TRPM4: variants seen among roughly 807,000 people sequenced by gnomAD.
TRPM4 encodes the protein calcium-activated non-selective cation channel 1.
TRPM4 carries 124 observed loss-of-function variants against 135.6 expected under a neutral mutation model. The ratio of observed to expected loss-of-function variants is 0.91; its 90% CI spans 0.79 to 1.06. TRPM4 has a LOEUF of 1.06. TRPM4 is among the 50% of genes least tolerant of loss of function. TRPM4 has a pLI of 0.00. For missense variants in TRPM4, 1,658 were observed against 1,671.4 expected (o/e 0.99, Z 0.14); for synonymous variants, 745 against 705.6 (o/e 1.06, Z -0.88).
chr19:49,193,416 A>C (rs529524973), intron 16 of TRPM4, among the ~76,000 whole-genome samples: 52 of 152,298 alleles, frequency 3.4e-4, no homozygotes, highest in African/African-American at 1.2e-3. Context: ...AACCCAGTGC[A>C]ATAGGGCCTA....
intron 2 of TRPM4, chr19:49,158,698 A>G (rs184922155): frequency 3.6e-4 from 65 of 180,458 alleles, no homozygotes; most frequent in African/African-American, 1.4e-3. Context: ...CAGGGTTCCA[A>G]TTTCCCCTGG....
Position 49,207,624 on chromosome 19 carries a change from G to A in TRPM4, c.3132-2585G>A, listed in dbSNP as rs564620666. Among the ~76,000 whole-genome samples, 8 of 104,478 alleles carry A rather than the reference G, an allele frequency of 7.7e-5. No homozygotes were observed. The East Asian group carries it at 2.3e-3, about 30-fold the overall frequency. 68.5% of individuals were successfully genotyped at this position (104,478 alleles called of 152,430 possible). On this transcript the variant is annotated intron_variant, in intron 20 of 24. Transcript: ENST00000252826. ...ATCATGATTGTGCCACCAACAGAGT[G>A]AAACCTTGTCTCAAAAAAAAAAAAA...
Position 49,173,505 on chromosome 19 carries a change from C to T in TRPM4, c.1150+1397C>T, listed in dbSNP as rs116567060. The stretch of plus-strand genomic sequence containing the variant: ...TCCTTCCCTACATGCTTCCAATATA[C>T]ATGAAGCACTCTGGCTAGACATGAA... On this transcript the variant is annotated intron_variant, in intron 9 of 24. Transcript: ENST00000252826. Among the ~76,000 whole-genome samples the T allele has an allele frequency of 4.1e-3, 626 of 152,334 alleles. 6 individuals carry two copies. Among genetic ancestry groups the T allele is most frequent in the African/African-American group, 0.014 (584 of 41,572 alleles).
At chr19:49,165,535 GCTC>G (rs1366517416) in intron 2 of TRPM4, among the ~76,000 whole-genome samples, 2 of 152,144 alleles carry the variant, frequency 1.3e-5, no homozygotes, top group Non-Finnish European at 2.9e-5. Context: ...TCTTTCCCTG[GCTC>G]CTCATAGCTC....
chr19:49,161,303 T>C (rs1966951148), intron 2 of TRPM4, among the ~76,000 whole-genome samples: 1 of 149,072 alleles, frequency 6.7e-6, no homozygotes, highest in South Asian at 2.1e-4. Context: ...TTTAAAAATA[T>C]CTGTCTTCTG....
At chr19:49,203,152 A>C (rs1293150647) in intron 20 of TRPM4, among the ~76,000 whole-genome samples, 3 of 136,422 alleles carry the variant, frequency 2.2e-5, no homozygotes, top group Admixed American at 7.2e-5. Flanking sequence ...TGGCCTCCCA[A>C]AGTGCTAGGA....
At chr19:49,206,140 T>C (rs1969142968) in intron 20 of TRPM4, among the ~76,000 whole-genome samples, 1 of 151,262 alleles carries the variant, frequency 6.6e-6, no homozygotes, top group Non-Finnish European at 1.5e-5. Flanking sequence ...TTTTTGTATT[T>C]TTGGTAGAGA....
At position 49,188,663 on chromosome 19, in the gene TRPM4, C is replaced by T. The variant is rs1196497438; in HGVS notation, c.1766C>T (p.Ala589Val). 23 of 1,614,074 alleles carry T rather than the reference C, an allele frequency of 1.4e-5. No homozygotes were observed. The highest frequency in any genetic ancestry group is 1.9e-5 in the Non-Finnish European group (23 of 1,180,050). Residue 589 changes from alanine (A) to valine (V), a missense_variant, in exon 13 of 25, where the codon GCT (alanine) becomes GTT (valine). By Grantham distance (64) the Ala-to-Val change is moderately conservative. Around this residue, in one of 3 missense-constraint regions of TRPM4, gnomAD observed 1,412 missense variants for 1,408.7 expected, o/e 1.00. Coordinates refer to ENST00000252826, the MANE Select transcript of TRPM4 (RefSeq NM_017636.4). Reference sequence around the variant, plus strand: ...CAGGGTTCCAATGCAGTTTCCTCAGCTCTTGGGGCCTGTTTGCTGCTCCGG... The same window carrying T: ...CAGGGTTCCAATGCAGTTTCCTCAGTTCTTGGGGCCTGTTTGCTGCTCCGG... Reference protein sequence around the residue: ...WEMGSNAVSSALGACLLLRVM... With the variant: ...WEMGSNAVSSVLGACLLLRVM...
At chr19:49,188,064 G>T (rs891862824) in intron 12 of TRPM4, among the ~76,000 whole-genome samples, 13 of 152,316 alleles carry the variant, frequency 8.5e-5, no homozygotes, top group African/African-American at 2.4e-4. Flanking sequence ...TTCTAATCTT[G>T]TAGCTAATTT....
At position 49,188,643 on chromosome 19, in the gene TRPM4, T is replaced by A; in HGVS notation, c.1746T>A (p.Gly582=). 2 of 1,614,114 alleles carry A rather than the reference T, an allele frequency of 1.2e-6. No individual in the cohort carries two copies. Among genetic ancestry groups the A allele is most frequent in the African/African-American group, 2.7e-5 (2 of 75,024 alleles). The change falls in exon 13 of 25, where the codon GGT becomes GGA. Residue 582 remains glycine, a splice_region_variant and synonymous_variant. Coordinates refer to ENST00000252826, the MANE Select transcript of TRPM4 (RefSeq NM_017636.4). Reference sequence around the variant, plus strand: ...CCGTGCCCTCTTTGTCTCTCCAGGGTTCCAATGCAGTTTCCTCAGCTCTTG... The same window carrying A: ...CCGTGCCCTCTTTGTCTCTCCAGGGATCCAATGCAGTTTCCTCAGCTCTTG... The part of the protein sequence containing the change: ...AQMAMYFWEM[G]SNAVSSALGA...
Position 49,168,443 on chromosome 19 carries a change from A to G in TRPM4, c.612+20A>G, listed in dbSNP as rs772702533. On this transcript the variant is annotated intron_variant, in intron 5 of 24. Transcript: ENST00000252826. Reference sequence around the variant, plus strand: ...CCCAAGGTGTGACCCAGGGACTTGGAAAAGGGGGCTGGAGGCCTGGACTCC... The same window carrying G: ...CCCAAGGTGTGACCCAGGGACTTGGGAAAGGGGGCTGGAGGCCTGGACTCC... The G allele has an allele frequency of 1.9e-6, 3 of 1,613,824 alleles. No individual in the cohort carries two copies. The highest frequency in any genetic ancestry group is 1.7e-4 in the Middle Eastern group (1 of 6,050).
At chr19:49,157,957 G>A in intron 1 of TRPM4, 67 bp downstream of exon 1, 1 of 1,504,122 alleles carries the variant, frequency 6.6e-7, no homozygotes, top group South Asian at 1.2e-5. Flanking sequence ...TCCCAGAGAG[G>A]AGGGCGCTGG....
chr19:49,197,233 C>T (rs556649588), intron 17 of TRPM4, among the ~76,000 whole-genome samples: 2 of 152,230 alleles, frequency 1.3e-5, no homozygotes, highest in East Asian at 3.9e-4. Flanking sequence ...TCGTTGGTCC[C>T]AGGCCCCTTG....
chr19:49,189,150 G>A, intron 14 of TRPM4, 59 bp downstream of exon 14: 3 of 1,610,126 alleles, frequency 1.9e-6, no homozygotes, highest in Non-Finnish European at 2.5e-6. Flanking sequence ...GGGAAGTATG[G>A]GGATGAGCCC....
At position 49,200,442 on chromosome 19, in the gene TRPM4, G is replaced by T; in HGVS notation, c.2778+10G>T. 1 of 1,612,428 alleles carries T rather than the reference G, an allele frequency of 6.2e-7. No individual in the cohort carries two copies. Among genetic ancestry groups the T allele is most frequent in the Non-Finnish European group, 8.5e-7 (1 of 1,178,992 alleles). ...CATCGTGAGCAAGATGGTGAGGCAG[G>T]GGCGGGGCCAAAGTGGGCGGGGACA... On this transcript the variant is annotated intron_variant, in intron 18 of 24. Transcript: ENST00000252826.
chr19:49,185,418 A>C (rs1238323230), intron 12 of TRPM4, among the ~76,000 whole-genome samples: 2 of 151,994 alleles, frequency 1.3e-5, no homozygotes, highest in Non-Finnish European at 2.9e-5. Flanking sequence ...ATTTTAAAAA[A>C]TTTGCAGAGA....
Position 49,211,176 on chromosome 19 carries a change from A to T in TRPM4, c.3547A>T (p.Ser1183Cys), listed in dbSNP as rs377476693. ...KVLEREVQQC[S>C]RVLGWVAEAL... ...TCCCATTCCGCAGGTCCAGCAGTGT[A>T]GCCGCGTCCTGGGGTGGGTGGCCGA... Residue 1183 changes from serine to cysteine, a missense_variant, in exon 24 of 25, where the codon AGC becomes TGC. Physicochemically the swap from Ser to Cys is moderately radical, Grantham distance 112. Transcript: ENST00000252826. The surrounding 1 kb of genome is among the most constrained non-coding windows in gnomAD (Gnocchi z 4.8). 6.2e-7 allele frequency: 1 copy of T among 1,605,620 alleles called. No individual in the cohort carries two copies. The highest frequency in any genetic ancestry group is 8.5e-7 in the Non-Finnish European group (1 of 1,176,720).
chr19:49,187,857 G>A (rs1267976035), intron 12 of TRPM4, among the ~76,000 whole-genome samples: 1 of 152,064 alleles, frequency 6.6e-6, no homozygotes, highest in African/African-American at 2.4e-5. Context: ...TGGAAGTGAG[G>A]TTTTTCTTGC....
intron 20 of TRPM4, among the ~76,000 whole-genome samples, chr19:49,205,116 T>C (rs2145982139): frequency 6.6e-6 from 1 of 151,832 alleles, no homozygotes; most frequent in African/African-American, 2.4e-5. Flanking sequence ...GCCCCTGTGC[T>C]GGACCTATTG....
Sources: allele counts gnomAD v4.1 joint callset (sites outside exome capture counted in the v4.1 genomes callset), GRCh38; gene constraint gnomAD v4.1.1; regional missense constraint gnomAD v4.1.1; non-coding constraint Gnocchi (gnomAD v3.1); transcripts MANE v1.5; gene names NCBI Gene and HGNC (gene_info 2026-07-23, HGNC 2026-07-21).